Variants in ARHGAP24 observed in about 807,000 individuals in gnomAD.
The protein encoded by ARHGAP24 is Rho GTPase activating protein 24.
In ARHGAP24, 50 loss-of-function variants were observed where a neutral mutation model predicts 76.4. The observed-to-expected ratio is 0.65, with a 90% CI of 0.52 to 0.83. The LOEUF (loss-of-function observed/expected upper bound fraction) is 0.83, where lower values mean the gene tolerates loss of function less well. ARHGAP24 is among the 40% of genes least tolerant of loss of function. The pLI, the probability that ARHGAP24 is intolerant of heterozygous loss-of-function variation, is 0.00. For synonymous variants in ARHGAP24, 345 were observed against 323.3 expected, an observed-to-expected ratio of 1.07 and a Z score of -0.72; for missense variants, 930 against 914.2, an observed-to-expected ratio of 1.02 and a Z score of -0.22.
chr4:85,856,242 G>A (rs1018479330), intron 3 of ARHGAP24, among the ~76,000 whole-genome samples: 2 of 151,544 alleles, frequency 1.3e-5, no homozygotes, highest in South Asian at 2.1e-4. Context: ...ATGTACTTTC[G>A]GGCCATTCAC....
intron 3 of ARHGAP24, among the ~76,000 whole-genome samples, chr4:85,810,855 T>G (rs1728983571): frequency 6.6e-6 from 1 of 152,350 alleles, no homozygotes; most frequent in Non-Finnish European, 1.5e-5. Flanking sequence ...TTATTAATGT[T>G]ATTAATTTTA....
rs1283784504 is a variant in ARHGAP24, at chr4:85,724,493, A to ATATG, written c.268+2524_268+2525insGTAT. 8.6e-3 allele frequency among the ~76,000 whole-genome samples: 10 copies of ATATG among 1,166 alleles called. 1 individual carries two copies. Among genetic ancestry groups the ATATG allele is most frequent in the Admixed American group, 0.083 (2 of 24 alleles). The allele number at this position is 1,166 out of a possible 152,430, so 0.8% of individuals were successfully genotyped here. A position where few individuals can be genotyped will look rare whatever the true frequency, so the allele number is the denominator to read the frequency against. On this transcript the variant is annotated intron_variant, in intron 3 of 9. Coordinates refer to ENST00000395184, the MANE Select transcript of ARHGAP24 (RefSeq NM_001025616.3). ...GTCCTTATAATTTTTCCATGTGTGT[A>ATATG]TATATATATATATATATATATATAT...
intron 1 of ARHGAP24, among the ~76,000 whole-genome samples, chr4:85,555,562 G>A (rs1205813544): frequency 6.6e-6 from 1 of 152,206 alleles, no homozygotes. Context: ...TGTGCTCTAA[G>A]AGTGTGGAAT....
At chr4:85,592,014 C>T (rs10003616) in intron 2 of ARHGAP24, among the ~76,000 whole-genome samples, 1,934 of 152,204 alleles carry the variant, frequency 0.013, 43 homozygotes, top group African/African-American at 0.044. Flanking sequence ...TTTTGAAAAC[C>T]TCTGGCTCTA....
At chr4:85,889,852 A>G (rs1277477775) in intron 3 of ARHGAP24, among the ~76,000 whole-genome samples, 1 of 152,166 alleles carries the variant, frequency 6.6e-6, no homozygotes, top group Non-Finnish European at 1.5e-5. Context: ...TAAACGCCTT[A>G]TCTATACATA....
chr4:85,837,010 A>T (rs1730328494), intron 3 of ARHGAP24, among the ~76,000 whole-genome samples: 1 of 151,906 alleles, frequency 6.6e-6, no homozygotes, highest in South Asian at 2.1e-4. Context: ...ATGTGCAGGG[A>T]CTCCCTAAAT....
chr4:85,995,718 C>A, intron 9 of ARHGAP24, 61 bp downstream of exon 9: 3 of 1,478,274 alleles, frequency 2.0e-6, no homozygotes, highest in South Asian at 1.2e-5. Flanking sequence ...TACTGTGGGA[C>A]AGGATCACAC....
intron 2 of ARHGAP24, among the ~76,000 whole-genome samples, chr4:85,583,090 A>AT (rs1578054361): frequency 1.3e-5 from 2 of 152,020 alleles, no homozygotes; most frequent in East Asian, 1.9e-4. Context: ...AAAATTTTTG[A>AT]TTTTTTCTAG....
chr4:85,697,350 C>A (rs1315417121), intron 2 of ARHGAP24, among the ~76,000 whole-genome samples: 1 of 152,044 alleles, frequency 6.6e-6, no homozygotes. Context: ...CATGTCCCCA[C>A]AAAGGACATG....
At chr4:85,513,619 C>T (rs1372423592) in intron 1 of ARHGAP24, among the ~76,000 whole-genome samples, 2 of 151,790 alleles carry the variant, frequency 1.3e-5, no homozygotes, top group African/African-American at 2.4e-5. Flanking sequence ...GATTCTTTGA[C>T]TACTAAAGAC....
rs77888552 is a variant in ARHGAP24 at position 85,721,703 on chromosome 4, G to A, written c.181-182G>A. On this transcript the variant is annotated intron_variant, in intron 2 of 9. Coordinates refer to ENST00000395184, the MANE Select transcript of ARHGAP24 (RefSeq NM_001025616.3). ...CATATTAGATGCTCAACAAGTATTC[G>A]TTAAATCTTGAGTGAACATGATTCT... 0.014 allele frequency among the ~76,000 whole-genome samples: 2,072 copies of A among 152,204 alleles called. 39 individuals carry two copies. The highest frequency in any genetic ancestry group is 0.047 in the African/African-American group (1,959 of 41,546).
chr4:85,783,970 A>C (rs112779209), intron 3 of ARHGAP24, among the ~76,000 whole-genome samples: 240 of 152,168 alleles, frequency 1.6e-3, no homozygotes, highest in African/African-American at 5.3e-3. Flanking sequence ...CAAACAAACA[A>C]ATCTTCAGCC....
intron 2 of ARHGAP24, among the ~76,000 whole-genome samples, chr4:85,578,616 T>C (rs1166482353): frequency 6.6e-6 from 1 of 152,220 alleles, no homozygotes; most frequent in Non-Finnish European, 1.5e-5. Flanking sequence ...ATTATTCTCA[T>C]CTGTAAAATA....
At position 85,513,561 on chromosome 4, in the gene ARHGAP24, A is replaced by ATTT. The variant is rs1560515289; in HGVS notation, c.-21+38002_-21+38003insTTT. 7.1e-3 allele frequency among the ~76,000 whole-genome samples: 1,075 copies of ATTT among 150,858 alleles called. 16 individuals carry two copies. Among genetic ancestry groups the ATTT allele is most frequent in the African/African-American group, 0.025 (1,026 of 40,986 alleles). ...ACTTAGAATGATTGCCTTTTTTTTA[A>ATTT]AAAAAAAAGCTTCCTTGCATTTTTA... is the stretch of plus-strand genomic sequence containing the variant. On this transcript the variant is annotated intron_variant, in intron 1 of 9. Transcript: ENST00000395184.
intron 2 of ARHGAP24, among the ~76,000 whole-genome samples, chr4:85,674,082 A>C (rs1560579825): frequency 6.6e-6 from 1 of 152,138 alleles, no homozygotes; most frequent in South Asian, 2.1e-4. Context: ...ACTAAACCCC[A>C]GTGTACTGGT....
At chr4:85,562,444 C>G (rs888178394) in intron 1 of ARHGAP24, among the ~76,000 whole-genome samples, 6 of 152,022 alleles carry the variant, frequency 3.9e-5, no homozygotes, top group Non-Finnish European at 8.8e-5. Flanking sequence ...GTACGTGTGT[C>G]TGTCTGTGTG....
intron 3 of ARHGAP24, among the ~76,000 whole-genome samples, chr4:85,871,366 A>C (rs947264537): frequency 1.3e-5 from 2 of 152,198 alleles, no homozygotes; most frequent in Admixed American, 1.3e-4. Flanking sequence ...CAGAAATATA[A>C]CAATTTGTTA....
At chr4:85,764,604 C>T (rs1726858953) in intron 3 of ARHGAP24, among the ~76,000 whole-genome samples, 2 of 151,998 alleles carry the variant, frequency 1.3e-5, no homozygotes, top group Non-Finnish European at 2.9e-5. Context: ...AGGTCCATTC[C>T]TCCCCTTTTC....
chr4:85,820,885 G>A (rs1388520195), intron 3 of ARHGAP24, among the ~76,000 whole-genome samples: 2 of 152,016 alleles, frequency 1.3e-5, no homozygotes, highest in Non-Finnish European at 2.9e-5. Context: ...AAACAAATAT[G>A]TACTTTCAAA....
Sources: gnomAD v4.1 joint callset for allele counts (sites outside exome capture counted in the v4.1 genomes callset) on GRCh38, gnomAD v4.1.1 for gene constraint, MANE v1.5 for transcripts, NCBI Gene and HGNC (gene_info 2026-07-23, HGNC 2026-07-21) for gene names.